The following ZFHX3 variants were observed in gnomAD, a reference collection of about 807,000 sequenced individuals.
The protein encoded by ZFHX3 is zinc finger homeobox 3.
Under a neutral mutation model 279.1 loss-of-function variants are expected in ZFHX3, and 42 were observed. The ratio of observed to expected loss-of-function variants is 0.15; its 90% CI spans 0.12 to 0.19. The LOEUF (loss-of-function observed/expected upper bound fraction) is 0.19, where lower values mean the gene tolerates loss of function less well. ZFHX3 is among the 10% of genes least tolerant of loss of function. The probability of loss-of-function intolerance (pLI) is 1.00; values close to 1 mark genes in which losing one functional copy is unlikely to be tolerated. For missense variants in ZFHX3, 4,981 were observed against 4,754.0 expected (o/e 1.05, Z -1.40); for synonymous variants, 2,293 against 1,957.8 (o/e 1.17, Z -4.52).
chr16:72,959,769 A>G lies in ZFHX3; in HGVS notation c.377T>C (p.Val126Ala), dbSNP rs1961473533. 1 of 1,607,522 alleles carries G rather than the reference A, an allele frequency of 6.2e-7. No individual in the cohort carries two copies. The highest frequency in any genetic ancestry group is 8.5e-7 in the Non-Finnish European group (1 of 1,175,706). The change falls in exon 2 of 10, where the codon GTG becomes GCG. Residue 126 changes from valine to alanine, a missense_variant. By Grantham distance (64) the Val-to-Ala change is moderately conservative. Transcript: ENST00000268489. ...TGEEGDEESD[V>A]ENLAGEIVYQ... The stretch of plus-strand genomic sequence containing the variant: ...GACGATCTCCCCGGCCAGGTTCTCC[A>G]CGTCACTCTCCTCGTCCCCCTCCTC...
intron 1 of ZFHX3, among the ~76,000 whole-genome samples, chr16:73,846,504 T>A (rs540447752): frequency 4.7e-4 from 72 of 152,270 alleles, no homozygotes; most frequent in African/African-American, 1.6e-3. Flanking sequence ...GAGGCCAATC[T>A]TGGCTGTCTC....
rs1597395880 is a variant in ZFHX3 at position 72,940,054 on chromosome 16, T to A, written c.3216+10415A>T. Among the ~76,000 whole-genome samples the A allele has an allele frequency of 2.0e-5, 3 of 152,146 alleles. No homozygotes were observed. In the South Asian group the frequency reaches 6.2e-4, roughly 32 times the overall value. On this transcript the variant is annotated intron_variant, in intron 3 of 9. Coordinates refer to ENST00000268489, the MANE Select transcript of ZFHX3 (RefSeq NM_006885.4). ...TCCCCACTGCAGCTAGGACCAGAGG[T>A]GTGTGCCGCCACACCTGGCTAATTT...
intron 6 of ZFHX3, among the ~76,000 whole-genome samples, chr16:73,132,378 T>C (rs1398015722): frequency 6.6e-6 from 1 of 152,080 alleles, no homozygotes; most frequent in Non-Finnish European, 1.5e-5. Context: ...AACTTTATGG[T>C]GTCAGAGATC....
intron 1 of ZFHX3, among the ~76,000 whole-genome samples, chr16:73,772,376 C>T (rs549308139): frequency 7.9e-5 from 12 of 152,314 alleles, no homozygotes; most frequent in Non-Finnish European, 1.6e-4. Context: ...TAAACTCCCC[C>T]TCATAAAACC....
chr16:73,734,544 TA>T (rs1024511547), intron 1 of ZFHX3, among the ~76,000 whole-genome samples: 4 of 152,048 alleles, frequency 2.6e-5, no homozygotes, highest in Admixed American at 2.6e-4. Context: ...TAGTACAATA[TA>T]AAAAAACAGA....
At chr16:72,922,656 C>A (rs1188018479) in intron 3 of ZFHX3, among the ~76,000 whole-genome samples, 2 of 152,174 alleles carry the variant, frequency 1.3e-5, no homozygotes, top group Admixed American at 1.3e-4. Flanking sequence ...TCACTCCCAG[C>A]GCTCTCTTCG....
intron 1 of ZFHX3, among the ~76,000 whole-genome samples, chr16:73,814,944 A>C (rs1483916375): frequency 6.6e-6 from 1 of 152,156 alleles, no homozygotes; most frequent in South Asian, 2.1e-4. Flanking sequence ...GTTCCAATCA[A>C]GTCAACTTGC....
At chr16:73,287,711 A>AGTGTGTGGCTGTGTGGGTCG (rs1162618572) in intron 4 of ZFHX3, among the ~76,000 whole-genome samples, 4 of 70,506 alleles carry the variant, frequency 5.7e-5, no homozygotes, top group Middle Eastern at 0.014. Context: ...TGTGTGGGTC[A>AGTGTGTGGCTGTGTGGGTCG]GTGTGTGGCT....
chr16:73,185,998 C>T (rs1229114578), intron 5 of ZFHX3, among the ~76,000 whole-genome samples: 2 of 152,100 alleles, frequency 1.3e-5, no homozygotes, highest in African/African-American at 4.8e-5. Context: ...AGCGCAAACC[C>T]TTTTGGGAAC....
intron 5 of ZFHX3, among the ~76,000 whole-genome samples, chr16:73,253,282 A>G (rs1479164497): frequency 6.6e-6 from 1 of 152,184 alleles, no homozygotes; most frequent in Admixed American, 6.5e-5. Context: ...TCCAGAAAAC[A>G]GCAAGAGTGT....
At chr16:72,994,263 A>T (rs1403161109) in intron 1 of ZFHX3, among the ~76,000 whole-genome samples, 2 of 152,170 alleles carry the variant, frequency 1.3e-5, no homozygotes, top group African/African-American at 4.8e-5. Flanking sequence ...ATAGACTTTA[A>T]CATTGTAAAT....
At chr16:72,902,636 G>C (rs2039067750) in intron 3 of ZFHX3, among the ~76,000 whole-genome samples, 1 of 152,238 alleles carries the variant, frequency 6.6e-6, no homozygotes, top group African/African-American at 2.4e-5. Flanking sequence ...TTGTCCAGCA[G>C]AGTGGAGGAC....
chr16:73,354,656 C>T (rs1015622337), intron 3 of ZFHX3, among the ~76,000 whole-genome samples: 2 of 152,194 alleles, frequency 1.3e-5, no homozygotes, highest in African/African-American at 4.8e-5. Flanking sequence ...AGAATTTTCC[C>T]GCTTTCAGTG....
chr16:73,316,309 G>C (rs1337711275), intron 4 of ZFHX3, among the ~76,000 whole-genome samples: 1 of 152,198 alleles, frequency 6.6e-6, no homozygotes, highest in African/African-American at 2.4e-5. Context: ...GACAGGACAC[G>C]AGGCTTTGTT....
chr16:73,618,872 T>A (rs2052330432), intron 2 of ZFHX3, among the ~76,000 whole-genome samples: 1 of 152,150 alleles, frequency 6.6e-6, no homozygotes, highest in Non-Finnish European at 1.5e-5. Context: ...AATCGCACTT[T>A]TGAACTAGAA....
At chr16:73,003,827 C>G (rs572055859) in intron 1 of ZFHX3, among the ~76,000 whole-genome samples, 1 of 151,502 alleles carries the variant, frequency 6.6e-6, no homozygotes, top group Non-Finnish European at 1.5e-5. Flanking sequence ...CAGGAATTCA[C>G]GGGGGGAAAA....
intron 1 of ZFHX3, among the ~76,000 whole-genome samples, chr16:73,686,891 C>T (rs1170961320): frequency 2.0e-5 from 3 of 151,124 alleles, no homozygotes; most frequent in Middle Eastern, 3.4e-3. Flanking sequence ...TCTTGGTTCA[C>T]CCTGTATTCA....
intron 5 of ZFHX3, among the ~76,000 whole-genome samples, chr16:73,245,103 T>C (rs1171757498): frequency 2.0e-5 from 3 of 152,200 alleles, no homozygotes; most frequent in African/African-American, 7.2e-5. Context: ...GTATGGACAA[T>C]GATAACTAAT....
chr16:72,908,665 T>A (rs987108284), intron 3 of ZFHX3, among the ~76,000 whole-genome samples: 18 of 152,168 alleles, frequency 1.2e-4, no homozygotes, highest in African/African-American at 4.3e-4. Context: ...ACATGACTCA[T>A]GCGATGACAC....
Sources: allele counts gnomAD v4.1 joint callset (sites outside exome capture counted in the v4.1 genomes callset), GRCh38; gene constraint gnomAD v4.1.1; transcripts MANE v1.5; gene names NCBI Gene and HGNC (gene_info 2026-07-23, HGNC 2026-07-21).